Variants in UTP25 observed in about 807,000 individuals in gnomAD.
The protein encoded by UTP25 is UTP25 small subunit processome component.
UTP25 carries 50 observed loss-of-function variants against 78.9 expected under a neutral mutation model. The observed-to-expected ratio is 0.63, with a 90% CI of 0.50 to 0.80. The LOEUF (loss-of-function observed/expected upper bound fraction) is 0.80, where lower values mean the gene tolerates loss of function less well. Among genes scored for constraint, UTP25 ranks in the 30% least tolerant of loss-of-function variants. The pLI, the probability that UTP25 is intolerant of heterozygous loss-of-function variation, is 0.00. For synonymous variants in UTP25, 329 were observed against 336.5 expected, an observed-to-expected ratio of 0.98 and a Z score of 0.24; for missense variants, 846 against 911.3, an observed-to-expected ratio of 0.93 and a Z score of 0.92.
Position 209,857,027 on chromosome 1 carries a change from A to C in UTP25, c.*5580A>C, listed in dbSNP as rs1171944084. The C allele has an allele frequency of 6.6e-6, 1 of 152,176 alleles. No homozygotes were observed. The highest frequency in any genetic ancestry group is 1.5e-5 in the Non-Finnish European group (1 of 68,022). 9.4% of individuals were successfully genotyped at this position (152,176 alleles called of 1,614,324 possible). A position where few individuals can be genotyped will look rare whatever the true frequency, so the allele number is the denominator to read the frequency against. On this transcript the variant is annotated 3_prime_UTR_variant, in exon 12 of 12. Coordinates refer to ENST00000491415, the MANE Select transcript of UTP25 (RefSeq NM_014388.7). ...AAATAGGAAATAAGTCAGAATCCCCAATTCGATAGAAACTTACAGGTCTTG... is the reference window on the plus strand; with the variant it reads ...AAATAGGAAATAAGTCAGAATCCCCCATTCGATAGAAACTTACAGGTCTTG...
intron 11 of UTP25, among the ~76,000 whole-genome samples, chr1:209,848,339 A>T (rs964825828): frequency 2.6e-5 from 4 of 152,206 alleles, no homozygotes; most frequent in African/African-American, 9.6e-5. Flanking sequence ...ATGCCAAATC[A>T]CTAAAATCAC....
At position 209,842,359 on chromosome 1, in the gene UTP25, A is replaced by G. The variant is rs2078171995; in HGVS notation, c.1580A>G (p.Tyr527Cys). 1 of 1,614,162 alleles carries G rather than the reference A, an allele frequency of 6.2e-7. No individual in the cohort carries two copies. Among genetic ancestry groups the G allele is most frequent in the East Asian group, 2.2e-5 (1 of 44,882 alleles). ...RMWSLNNWSKYYRQTLLFGAL... is the reference protein window; with the variant it reads ...RMWSLNNWSKCYRQTLLFGAL... ...TGGAGCCTCAATAATTGGTCCAAGT[A>G]CTATCGCCAGACACTGCTATTTGGG... Residue 527 changes from tyrosine (Y) to cysteine (C), a missense_variant, in exon 9 of 12, where the codon TAC becomes TGC. Coordinates refer to ENST00000491415, the MANE Select transcript of UTP25 (RefSeq NM_014388.7).
Position 209,843,866 on chromosome 1 carries a change from T to C in UTP25, c.2027+170T>C. On this transcript the variant is annotated intron_variant, in intron 11 of 11. Coordinates refer to ENST00000491415, the MANE Select transcript of UTP25 (RefSeq NM_014388.7). Reference sequence around the variant, plus strand: ...GTTTGGACAGACTCTTCTTGGTTGGTTAGTTGGTTTTCTCCCAAAATGGGC... The same window carrying C: ...GTTTGGACAGACTCTTCTTGGTTGGCTAGTTGGTTTTCTCCCAAAATGGGC... The C allele has an allele frequency of 7.9e-6, 7 of 889,024 alleles. No homozygotes were observed. In the South Asian group the frequency reaches 1.3e-4, roughly 16 times the overall value. 55.1% of individuals were successfully genotyped at this position (889,024 alleles called of 1,614,324 possible). A position where few individuals can be genotyped will look rare whatever the true frequency, so the allele number is the denominator to read the frequency against.
At chr1:209,846,835 ATG>A (rs968110400) in intron 11 of UTP25, among the ~76,000 whole-genome samples, 1 of 152,132 alleles carries the variant, frequency 6.6e-6, no homozygotes, top group Non-Finnish European at 1.5e-5. Context: ...ACAGATTTTC[ATG>A]TGTGTGTGTT....
chr1:209,839,900 G>A (rs994411094), intron 7 of UTP25, among the ~76,000 whole-genome samples: 11 of 152,324 alleles, frequency 7.2e-5, no homozygotes, highest in Middle Eastern at 3.4e-3. Flanking sequence ...CCAAAATGGG[G>A]GCAGGGTGGT....
intron 7 of UTP25, among the ~76,000 whole-genome samples, chr1:209,839,949 G>A (rs759106106): frequency 1.6e-4 from 25 of 152,160 alleles, no homozygotes; most frequent in Admixed American, 2.6e-4. Flanking sequence ...TCTGTACTAG[G>A]TGGAAACCTG....
rs1172163740 is a variant in UTP25, at chr1:209,830,836, G to A, written c.181G>A (p.Asp61Asn). The change falls in exon 3 of 12, where the codon GAC becomes AAC. Residue 61 changes from aspartate (D) to asparagine (N), a missense_variant. Physicochemically the swap from Asp to Asn is conservative, Grantham distance 23. Transcript: ENST00000491415. ...TTCAGATTCTTCAGATTCTGAAAGCGACTCAGAGAGTGAACCACAACAAGT... is the reference window on the plus strand; with the variant it reads ...TTCAGATTCTTCAGATTCTGAAAGCAACTCAGAGAGTGAACCACAACAAGT... ...ESSDSSDSESDSESEPQQVSG... is the reference protein window; with the variant it reads ...ESSDSSDSESNSESEPQQVSG... 5.6e-6 allele frequency: 9 copies of A among 1,613,970 alleles called. No individual in the cohort carries two copies. Among genetic ancestry groups the A allele is most frequent in the East Asian group, 4.5e-5 (2 of 44,872 alleles).
chr1:209,837,321 A>G lies in UTP25; in HGVS notation c.1062+110A>G, dbSNP rs984841835. ...GGTATTTTAATAATTGACTGGCATAATGAATGAGCCCAAATGTGAGCATAT... is the reference window on the plus strand; with the variant it reads ...GGTATTTTAATAATTGACTGGCATAGTGAATGAGCCCAAATGTGAGCATAT... On this transcript the variant is annotated intron_variant, in intron 6 of 11. Transcript: ENST00000491415. 3 of 1,271,998 alleles carry G rather than the reference A, an allele frequency of 2.4e-6. No individual in the cohort carries two copies. In the African/African-American group the frequency reaches 4.5e-5, roughly 19 times the overall value. The allele number at this position is 1,271,998 out of a possible 1,614,324, so 78.8% of individuals were successfully genotyped here.
intron 11 of UTP25, 100 bp from the exon 12 acceptor site, chr1:209,851,104 G>GAAGCAAC: frequency 7.5e-7 from 1 of 1,336,140 alleles, no homozygotes; most frequent in Non-Finnish European, 1.0e-6. Context: ...CCATTAGCAG[G>GAAGCAAC]AAGCAACAAG....
chr1:209,841,588 T>A (rs927160259), intron 8 of UTP25, among the ~76,000 whole-genome samples: 7 of 152,202 alleles, frequency 4.6e-5, no homozygotes, highest in African/African-American at 1.7e-4. Context: ...TCTGCAGTGT[T>A]ATCAGTTTTA....
chr1:209,840,418 G>A (rs1021739866), intron 7 of UTP25, among the ~76,000 whole-genome samples: 1 of 152,226 alleles, frequency 6.6e-6, no homozygotes, highest in Non-Finnish European at 1.5e-5. Flanking sequence ...AAAGAGCATT[G>A]CAAGGCAGCT....
intron 7 of UTP25, 104 bp downstream of exon 7, chr1:209,839,232 C>A: frequency 9.4e-7 from 1 of 1,059,926 alleles, no homozygotes. Context: ...CTCACTGTGC[C>A]TCTTTAACAG....
In UTP25 at chr1:209,840,901, C is replaced by T. The variant is rs2078163411; in HGVS notation, c.1331C>T (p.Ser444Phe). ...ATCCGACTCTATGCCCCGTTTTACT[C>T]CTCGGATATCCTCATTGCTTCCCCC... Reference protein sequence around the residue: ...RSIRLYAPFYSSDILIASPLG... With the variant: ...RSIRLYAPFYFSDILIASPLG... The change falls in exon 8 of 12, where the codon TCC becomes TTC. Residue 444 changes from serine (S) to phenylalanine (F), a missense_variant. Ser to Phe is a radical substitution (Grantham distance 155). Transcript: ENST00000491415. The T allele has an allele frequency of 6.2e-7, 1 of 1,613,600 alleles. No homozygotes were observed.
rs770333807 is a variant in UTP25 at position 209,833,313 on chromosome 1, C to T, written c.517C>T (p.Leu173=). The change falls in exon 4 of 12, where the codon CTG becomes TTG. Residue 173 remains leucine, a synonymous_variant. Transcript: ENST00000491415. ...ACTGTTCAGCCTGGAAACCAATTTT[C>T]TGGAAGAGGAAAGTGGAGACAACTC... The part of the protein sequence containing the change: ...ESLFSLETNF[L]EEESGDNSSL... 1 of 1,593,798 alleles carries T rather than the reference C, an allele frequency of 6.3e-7. No individual in the cohort carries two copies. The highest frequency in any genetic ancestry group is 8.5e-7 in the Non-Finnish European group (1 of 1,172,842).
intron 10 of UTP25, 32 bp downstream of exon 10, chr1:209,842,727 AC>A: frequency 1.3e-6 from 2 of 1,520,358 alleles, no homozygotes; most frequent in Non-Finnish European, 1.8e-6. Flanking sequence ...GCCCCTGGGG[AC>A]CACATAGAGA....
At chr1:209,842,799 C>A (rs2078175394) in intron 10 of UTP25, 104 bp downstream of exon 10, 2 of 765,270 alleles carry the variant, frequency 2.6e-6, no homozygotes, top group Non-Finnish European at 4.4e-6. Context: ...TGATAACTAC[C>A]AAATCAGTTG....
intron 7 of UTP25, among the ~76,000 whole-genome samples, chr1:209,840,090 T>C (rs2078157798): frequency 1.3e-5 from 2 of 152,204 alleles, no homozygotes; most frequent in Admixed American, 6.5e-5. Flanking sequence ...GGCTTCGGTA[T>C]GGTGGAATGT....
intron 8 of UTP25, 36 bp from the exon 9 acceptor site, chr1:209,842,229 A>T (rs1558055008): frequency 1.3e-6 from 2 of 1,571,064 alleles, no homozygotes; most frequent in Non-Finnish European, 1.7e-6. Context: ...AAATGCTCTC[A>T]GTCAACACTA....
At chr1:209,840,104 G>T (rs1340342219) in intron 7 of UTP25, among the ~76,000 whole-genome samples, 1 of 152,172 alleles carries the variant, frequency 6.6e-6, no homozygotes, top group Non-Finnish European at 1.5e-5. Flanking sequence ...GGAATGTAAG[G>T]CATAAGGAGA....
Sources: allele counts gnomAD v4.1 joint callset (sites outside exome capture counted in the v4.1 genomes callset), GRCh38; gene constraint gnomAD v4.1.1; transcripts MANE v1.5; gene names NCBI Gene and HGNC (gene_info 2026-07-23, HGNC 2026-07-21).